Variants in RAB3D observed in about 807,000 individuals in gnomAD.
The protein encoded by RAB3D is RAB3D, member RAS oncogene family.
RAB3D carries 17 observed loss-of-function variants against 19.3 expected under a neutral mutation model. The observed-to-expected ratio is 0.88, with a 90% CI of 0.60 to 1.32. The LOEUF (loss-of-function observed/expected upper bound fraction) is 1.32, where lower values mean the gene tolerates loss of function less well. Ranked by LOEUF, RAB3D falls within the 40% of genes most tolerant of loss-of-function variation. The pLI, the probability that RAB3D is intolerant of heterozygous loss-of-function variation, is 0.00. For missense variants in RAB3D, 223 were observed against 299.1 expected (o/e 0.75, Z 1.88); for synonymous variants, 103 against 119.9 (o/e 0.86, Z 0.92).
intron 4 of RAB3D, chr19:11,326,885 C>G (rs1399625719): frequency 5.1e-5 from 29 of 570,820 alleles, no homozygotes; most frequent in Non-Finnish European, 8.4e-5. Flanking sequence ...GCTGGGTTTA[C>G]CAGCGTGAGC....
chr19:11,337,815 C>T (rs1966911197), intron 1 of RAB3D, among the ~76,000 whole-genome samples: 1 of 151,960 alleles, frequency 6.6e-6, no homozygotes, highest in Non-Finnish European at 1.5e-5. Context: ...GGACTACAGA[C>T]ATGCCACCAC....
Position 11,324,774 on chromosome 19 carries a change from A to T in RAB3D, c.*624T>A, listed in dbSNP as rs1486505287. On this transcript the variant is annotated 3_prime_UTR_variant, in exon 5 of 5. Transcript: ENST00000222120. The stretch of plus-strand genomic sequence containing the variant: ...GAAGCCGGGGGGTTGAGGGGATCTG[A>T]CTCCCTGTCCCTTCTACAATGGGAA... 1 of 152,394 alleles carries T rather than the reference A, an allele frequency of 6.6e-6. No individual in the cohort carries two copies. Among genetic ancestry groups the T allele is most frequent in the Non-Finnish European group, 1.5e-5 (1 of 68,082 alleles). The allele number at this position is 152,394 out of a possible 1,614,324, so 9.4% of individuals were successfully genotyped here. A position where few individuals can be genotyped will look rare whatever the true frequency, so the allele number is the denominator to read the frequency against.
chr19:11,325,663 C>A (rs28453057), intron 4 of RAB3D, 78 bp from the exon 5 acceptor site: 56,639 of 1,383,242 alleles, frequency 0.041, 2,465 homozygotes, highest in African/African-American at 0.22. Context: ...AGAAACCTGG[C>A]TTCTAAGCCT....
chr19:11,330,319 C>G (rs898134654), intron 4 of RAB3D, among the ~76,000 whole-genome samples: 1 of 152,226 alleles, frequency 6.6e-6, no homozygotes, highest in East Asian at 1.9e-4. Context: ...CTCAATTTCA[C>G]GCTTGAAGCA....
At position 11,337,432 on chromosome 19, in the gene RAB3D, G is replaced by A; in HGVS notation, c.-33C>T. The A allele has an allele frequency of 6.3e-7, 1 of 1,585,102 alleles. No homozygotes were observed. The highest frequency in any genetic ancestry group is 8.7e-7 in the Non-Finnish European group (1 of 1,153,844). On this transcript the variant is annotated 5_prime_UTR_variant, in exon 2 of 5. Coordinates refer to ENST00000222120, the MANE Select transcript of RAB3D (RefSeq NM_004283.4). ...CAAGCCTCCTGGGACAGGGAGACCT[G>A]AAATCCTCAGGGAGAGGAGACGGGC...
intron 1 of RAB3D, among the ~76,000 whole-genome samples, chr19:11,337,676 T>C (rs1449989828): frequency 1.3e-5 from 2 of 151,806 alleles, no homozygotes; most frequent in African/African-American, 4.8e-5. Flanking sequence ...TCTTTCTTTT[T>C]TTTTTTTTTT....
Position 11,325,228 on chromosome 19 carries a change from A to C in RAB3D, c.*170T>G, listed in dbSNP as rs1599355126. 8 of 556,922 alleles carry C rather than the reference A, an allele frequency of 1.4e-5. No individual in the cohort carries two copies. Among genetic ancestry groups the C allele is most frequent in the East Asian group, 3.0e-5 (1 of 32,816 alleles). 34.5% of individuals were successfully genotyped at this position (556,922 alleles called of 1,614,324 possible). A position where few individuals can be genotyped will look rare whatever the true frequency, so the allele number is the denominator to read the frequency against. On this transcript the variant is annotated 3_prime_UTR_variant, in exon 5 of 5. Coordinates refer to ENST00000222120, the MANE Select transcript of RAB3D (RefSeq NM_004283.4). ...GCCTCCCACCGGGGCTGCCTGAGGA[A>C]CCTGGCAGCCACGGCGACATTGTGA...
intron 2 of RAB3D, among the ~76,000 whole-genome samples, chr19:11,336,425 C>G (rs1966895919): frequency 6.6e-6 from 1 of 152,108 alleles, no homozygotes; most frequent in African/African-American, 2.4e-5. Flanking sequence ...CCTCTTGCCT[C>G]AGCCTCCTGA....
intron 4 of RAB3D, chr19:11,326,888 G>C: frequency 1.7e-6 from 1 of 572,756 alleles, no homozygotes; most frequent in Non-Finnish European, 3.1e-6. Flanking sequence ...GGGTTTACCA[G>C]CGTGAGCCAC....
rs60235191 is a variant in RAB3D at position 11,331,830 on chromosome 19, A to G, written c.472+3617T>C. 3.9e-5 allele frequency among the ~76,000 whole-genome samples: 6 copies of G among 152,072 alleles called. No homozygotes were observed. The East Asian group carries it at 1.2e-3, about 30-fold the overall frequency. ...TGTCTCTATTATTTAAAAAACGACG[A>G]CGACAACAAAACAGCTGGAGTTGCA... On this transcript the variant is annotated intron_variant, in intron 4 of 4. Transcript: ENST00000222120.
chr19:11,326,353 C>G (rs1302437120), intron 4 of RAB3D, among the ~76,000 whole-genome samples: 1 of 152,146 alleles, frequency 6.6e-6, no homozygotes, highest in African/African-American at 2.4e-5. Flanking sequence ...TGCACACCAG[C>G]CTGGGTGATG....
At chr19:11,334,756 T>C (rs775859429) in intron 4 of RAB3D, among the ~76,000 whole-genome samples, 12 of 152,122 alleles carry the variant, frequency 7.9e-5, no homozygotes, top group Non-Finnish European at 1.8e-4. Flanking sequence ...AACCCCATCT[T>C]TACTAAAAAT....
At chr19:11,333,161 G>A (rs550524903) in intron 4 of RAB3D, among the ~76,000 whole-genome samples, 38 of 149,684 alleles carry the variant, frequency 2.5e-4, no homozygotes, top group Non-Finnish European at 4.9e-4. Flanking sequence ...CTCACTGCAA[G>A]TTCCGCCTCC....
Position 11,335,492 on chromosome 19 carries a change from G to A in RAB3D, c.427C>T (p.Arg143Cys), listed in dbSNP as rs762283527. Residue 143 changes from arginine (R) to cysteine (C), a missense_variant, in exon 4 of 5, where the codon CGT (arginine) becomes TGT (cysteine). Transcript: ENST00000222120. ...VGNKCDLEDE[R>C]VVPAEDGRRL... is the part of the protein sequence containing the mutation. ...CGGCCATCCTCAGCAGGCACAACAC[G>A]TTCGTCCTCCAGGTCACACTTGTTC... 27 of 1,614,080 alleles carry A rather than the reference G, an allele frequency of 1.7e-5. No homozygotes were observed. The highest frequency in any genetic ancestry group is 5.5e-5 in the South Asian group (5 of 91,082).
chr19:11,336,794 C>T (rs185412688), intron 2 of RAB3D, among the ~76,000 whole-genome samples: 8 of 151,850 alleles, frequency 5.3e-5, no homozygotes, highest in Non-Finnish European at 1.0e-4. Flanking sequence ...CATGGTGAAA[C>T]CCCATCTCTA....
chr19:11,326,731 G>A, intron 4 of RAB3D: 1 of 689,400 alleles, frequency 1.5e-6, no homozygotes, highest in South Asian at 1.5e-5. Flanking sequence ...GGCCCCCTGA[G>A]TAGCTGGGGC....
intron 1 of RAB3D, among the ~76,000 whole-genome samples, chr19:11,338,348 C>A (rs568506237): frequency 6.6e-6 from 1 of 152,314 alleles, no homozygotes; most frequent in South Asian, 2.1e-4. Flanking sequence ...GGACTTCGCC[C>A]CAGCGTGTGC....
chr19:11,325,805 G>A (rs1473733876), intron 4 of RAB3D, among the ~76,000 whole-genome samples: 2 of 152,162 alleles, frequency 1.3e-5, no homozygotes, highest in African/African-American at 2.4e-5. Flanking sequence ...CAGGCGCAGG[G>A]GCTTATGCCT....
intron 4 of RAB3D, among the ~76,000 whole-genome samples, chr19:11,334,643 G>A (rs2080845886): frequency 6.6e-6 from 1 of 151,146 alleles, no homozygotes; most frequent in Non-Finnish European, 1.5e-5. Context: ...TAAAAAAAAA[G>A]GCCAGGCATG....
Sources: allele counts gnomAD v4.1 joint callset (sites outside exome capture counted in the v4.1 genomes callset), GRCh38; gene constraint gnomAD v4.1.1; transcripts MANE v1.5; gene names NCBI Gene and HGNC (gene_info 2026-07-23, HGNC 2026-07-21).